MCUB: variants seen among roughly 807,000 people sequenced by gnomAD.
MCUB encodes calcium uniporter regulatory subunit MCUb, mitochondrial.
A neutral mutation model predicts 41.4 loss-of-function variants in MCUB; 46 were observed. That is an observed-to-expected ratio of 1.11 (90% CI 0.88 to 1.42). The LOEUF is 1.42. MCUB is among the 40% of genes most tolerant of loss of function. MCUB has a pLI of 0.00. For synonymous variants in MCUB, 148 were observed against 148.2 expected (o/e 1.00, Z 0.01); for missense variants, 403 against 404.9 (o/e 1.00, Z 0.04).
intron 1 of MCUB, among the ~76,000 whole-genome samples, chr4:109,623,641 G>T (rs1389784773): frequency 2.0e-5 from 3 of 152,178 alleles, no homozygotes; most frequent in Non-Finnish European, 4.4e-5. Flanking sequence ...GGGTGGAAAT[G>T]TTGCAGGGTT....
chr4:109,572,505 T>C (rs1726936892), intron 1 of MCUB, among the ~76,000 whole-genome samples: 2 of 152,190 alleles, frequency 1.3e-5, no homozygotes, highest in African/African-American at 4.8e-5. Flanking sequence ...TTCTAAAAAC[T>C]GGAAATCTTA....
chr4:109,579,262 T>TC (rs1049702572), intron 1 of MCUB, among the ~76,000 whole-genome samples: 2 of 152,064 alleles, frequency 1.3e-5, no homozygotes, highest in Non-Finnish European at 2.9e-5. Context: ...TCACTTTTTT[T>TC]TTTTTTGAGA....
At chr4:109,635,689 C>T (rs533754421) in intron 1 of MCUB, among the ~76,000 whole-genome samples, 3 of 152,248 alleles carry the variant, frequency 2.0e-5, no homozygotes, top group Non-Finnish European at 2.9e-5. Flanking sequence ...TACAAGGGAG[C>T]GTCTTCCTTC....
At chr4:109,654,127 T>C (rs572110438) in intron 1 of MCUB, among the ~76,000 whole-genome samples, 2 of 148,432 alleles carry the variant, frequency 1.3e-5, no homozygotes, top group Admixed American at 6.7e-5. Context: ...GTTTTTTTTT[T>C]CTTAGCATTT....
rs1729906156 is a variant in MCUB, at chr4:109,688,423, A to G, written c.*831A>G. 6.6e-6 allele frequency: 1 copy of G among 152,222 alleles called. No homozygotes were observed. Among genetic ancestry groups the G allele is most frequent in the Non-Finnish European group, 1.5e-5 (1 of 68,048 alleles). The allele number at this position is 152,222 out of a possible 1,614,324, so 9.4% of individuals were successfully genotyped here. A position where few individuals can be genotyped will look rare whatever the true frequency, so the allele number is the denominator to read the frequency against. ...TGCAGGTGTTCAACCTATAGTGGCT[A>G]AGAATTATGTTTTCTATTTCATCCT... On this transcript the variant is annotated 3_prime_UTR_variant, in exon 8 of 8. Coordinates refer to ENST00000394650, the MANE Select transcript of MCUB (RefSeq NM_017918.5).
At chr4:109,610,210 C>T (rs1429645489) in intron 1 of MCUB, among the ~76,000 whole-genome samples, 3 of 152,170 alleles carry the variant, frequency 2.0e-5, no homozygotes, top group African/African-American at 4.8e-5. Flanking sequence ...CCAGAAATAC[C>T]GTCTAAGAGC....
rs561801204 is a variant in MCUB, at chr4:109,616,332, T to C, written c.100-42679T>C. Among the ~76,000 whole-genome samples, 15 of 152,356 alleles carry C rather than the reference T, an allele frequency of 9.8e-5. No individual in the cohort carries two copies. In the South Asian group the frequency reaches 2.9e-3, roughly 29 times the overall value. On this transcript the variant is annotated intron_variant, in intron 1 of 7. Coordinates refer to ENST00000394650, the MANE Select transcript of MCUB (RefSeq NM_017918.5). ...GACAAACTTTTATGCCTTTATTATG[T>C]ATACTGTCCTGACTAATGTACCTTC...
chr4:109,684,131 T>C (rs938264166), intron 5 of MCUB, among the ~76,000 whole-genome samples: 4 of 151,534 alleles, frequency 2.6e-5, no homozygotes, highest in African/African-American at 4.9e-5. Flanking sequence ...GGAGTGATCT[T>C]GGCTCACTGC....
Position 109,575,735 on chromosome 4 carries a change from G to A in MCUB, c.99+15299G>A, listed in dbSNP as rs577796379. 5.9e-5 allele frequency among the ~76,000 whole-genome samples: 9 copies of A among 152,258 alleles called. No homozygotes were observed. The East Asian group carries it at 1.2e-3, about 20-fold the overall frequency. Reference sequence around the variant, plus strand: ...TAAATTAGGATGAAATATCTTTATAGTTATCCCATTTATGTAAGGCTATTA... The same window carrying A: ...TAAATTAGGATGAAATATCTTTATAATTATCCCATTTATGTAAGGCTATTA... On this transcript the variant is annotated intron_variant, in intron 1 of 7. Transcript: ENST00000394650.
chr4:109,600,298 G>GC (rs1174959935), intron 1 of MCUB, among the ~76,000 whole-genome samples: 2 of 151,968 alleles, frequency 1.3e-5, no homozygotes, highest in African/African-American at 4.8e-5. Context: ...TTCTTTTTGG[G>GC]CCATGTAGCC....
intron 1 of MCUB, among the ~76,000 whole-genome samples, chr4:109,588,373 C>A (rs560503064): frequency 6.6e-6 from 1 of 152,096 alleles, no homozygotes; most frequent in African/African-American, 2.4e-5. Flanking sequence ...GGGCAGCAGC[C>A]GAGAAATTGC....
intron 1 of MCUB, among the ~76,000 whole-genome samples, chr4:109,574,289 A>C (rs1289451473): frequency 6.6e-6 from 1 of 152,218 alleles, no homozygotes; most frequent in Non-Finnish European, 1.5e-5. Flanking sequence ...ATTACTCCCA[A>C]GATAGAGCAG....
intron 1 of MCUB, among the ~76,000 whole-genome samples, chr4:109,562,829 A>C (rs913861659): frequency 6.6e-6 from 1 of 152,188 alleles, no homozygotes; most frequent in Admixed American, 6.5e-5. Flanking sequence ...CACAATTCTC[A>C]TACTTCATAT....
At chr4:109,575,876 C>A (rs1004115322) in intron 1 of MCUB, among the ~76,000 whole-genome samples, 1 of 152,138 alleles carries the variant, frequency 6.6e-6, no homozygotes, top group East Asian at 1.9e-4. Flanking sequence ...GTAGTCTGTG[C>A]TAGTCACACT....
intron 1 of MCUB, among the ~76,000 whole-genome samples, chr4:109,630,368 G>A (rs1485567256): frequency 6.6e-5 from 10 of 152,108 alleles, no homozygotes; most frequent in Non-Finnish European, 1.5e-4. Context: ...AGGCTGAGGA[G>A]AGAGGATCAC....
At chr4:109,632,561 G>A (rs1728496911) in intron 1 of MCUB, among the ~76,000 whole-genome samples, 1 of 151,180 alleles carries the variant, frequency 6.6e-6, no homozygotes, top group South Asian at 2.1e-4. Context: ...GGTTAAAGTG[G>A]TGATGATTTT....
chr4:109,616,596 C>T (rs1018980193), intron 1 of MCUB, among the ~76,000 whole-genome samples: 1 of 152,110 alleles, frequency 6.6e-6, no homozygotes, highest in African/African-American at 2.4e-5. Context: ...CTTGCTGACT[C>T]TTGGATTTTC....
Position 109,660,326 on chromosome 4 carries a change from G to A in MCUB, c.307G>A (p.Glu103Lys). 6.2e-7 allele frequency: 1 copy of A among 1,608,814 alleles called. No individual in the cohort carries two copies. The highest frequency in any genetic ancestry group is 2.2e-5 in the East Asian group (1 of 44,824). ...VGSFLQDLQN[E>K]DKGIKTAAIF... ...TTCATTCCTTCAGGACCTACAAAAT[G>A]AAGATAAGGGTATCAAAACTGCAGC... The change falls in exon 3 of 8, where the codon GAA becomes AAA. Residue 103 changes from glutamate (E) to lysine (K), a missense_variant. Coordinates refer to ENST00000394650, the MANE Select transcript of MCUB (RefSeq NM_017918.5).
intron 1 of MCUB, among the ~76,000 whole-genome samples, chr4:109,611,710 C>A (rs1373405870): frequency 6.6e-6 from 1 of 152,092 alleles, no homozygotes; most frequent in Non-Finnish European, 1.5e-5. Context: ...ACATGTATTT[C>A]TTTTTCTCTC....
Sources: gnomAD v4.1 joint callset for allele counts (sites outside exome capture counted in the v4.1 genomes callset) on GRCh38, gnomAD v4.1.1 for gene constraint, MANE v1.5 for transcripts, NCBI Gene and HGNC (gene_info 2026-07-23, HGNC 2026-07-21) for gene names.